The following KLF12 variants were observed in gnomAD, a reference collection of about 807,000 sequenced individuals.
KLF12 encodes KLF transcription factor 12, also known as Krueppel-like factor 12.
A neutral mutation model predicts 37.8 loss-of-function variants in KLF12; 9 were observed. The ratio of observed to expected loss-of-function variants is 0.24; its 90% CI spans 0.14 to 0.42. The LOEUF is 0.42. KLF12 is among the 10% of genes least tolerant of loss of function. The pLI is 1.00. For synonymous variants in KLF12, 208 were observed against 202.1 expected (o/e 1.03, Z -0.25); for missense variants, 411 against 516.0 (o/e 0.80, Z 1.97).
rs3079803 is a variant in KLF12 at position 73,867,414 on chromosome 13, GTATA to G, written c.124-21045_124-21042del. ...CATACATACATATATACGTGTGTGTGTATATATATATATATACACACATACATAT... is the reference window on the plus strand; with the variant it reads ...CATACATACATATATACGTGTGTGTGTATATATATATACACACATACATAT... On this transcript the variant is annotated intron_variant, in intron 3 of 7. Transcript: ENST00000377669. Among the ~76,000 whole-genome samples the G allele has an allele frequency of 2.0e-5, 3 of 148,282 alleles. No homozygotes were observed. The South Asian group carries it at 6.4e-4, about 32-fold the overall frequency.
intron 5 of KLF12, among the ~76,000 whole-genome samples, chr13:73,792,262 G>A (rs1474881234): frequency 6.6e-6 from 1 of 152,092 alleles, no homozygotes; most frequent in Non-Finnish European, 1.5e-5. Context: ...ATTGTGCACA[G>A]AATCTCAAAG....
At chr13:73,750,793 T>A (rs1253644941) in intron 6 of KLF12, among the ~76,000 whole-genome samples, 1 of 152,200 alleles carries the variant, frequency 6.6e-6, no homozygotes, top group African/African-American at 2.4e-5. Flanking sequence ...AGAACATTTT[T>A]AAACTGAGTT....
At chr13:74,027,002 G>A (rs1892991924) in intron 1 of KLF12, among the ~76,000 whole-genome samples, 1 of 152,140 alleles carries the variant, frequency 6.6e-6, no homozygotes, top group Non-Finnish European at 1.5e-5. Context: ...AATTCACACG[G>A]TGGGGAAGCT....
At chr13:74,076,710 C>T (rs997740772) in intron 1 of KLF12, among the ~76,000 whole-genome samples, 13 of 152,028 alleles carry the variant, frequency 8.6e-5, no homozygotes, top group South Asian at 2.1e-4. Context: ...ACTCATGTCA[C>T]GGGGGTTTGT....
rs954354740 is a variant in KLF12 at position 73,690,999 on chromosome 13, A to G, written c.*4491T>C. 1.3e-5 allele frequency: 2 copies of G among 152,648 alleles called. No individual in the cohort carries two copies. The highest frequency in any genetic ancestry group is 2.4e-5 in the African/African-American group (1 of 41,456). The allele number at this position is 152,648 out of a possible 1,614,324, so 9.5% of individuals were successfully genotyped here. Reference sequence around the variant, plus strand: ...ACAGACATTATAATGAAACTGTGAAAATATAGCAATTTTTATGTACATTTC... The same window carrying G: ...ACAGACATTATAATGAAACTGTGAAGATATAGCAATTTTTATGTACATTTC... On this transcript the variant is annotated 3_prime_UTR_variant, in exon 8 of 8. Coordinates refer to ENST00000377669, the MANE Select transcript of KLF12 (RefSeq NM_007249.5).
intron 3 of KLF12, among the ~76,000 whole-genome samples, chr13:73,926,770 C>T (rs372421742): frequency 6.6e-6 from 1 of 151,898 alleles, no homozygotes. Context: ...AGTTTCTCTG[C>T]GTGAATTACT....
At chr13:74,119,569 T>A (rs1255712118) in intron 1 of KLF12, among the ~76,000 whole-genome samples, 1 of 152,000 alleles carries the variant, frequency 6.6e-6, no homozygotes, top group Non-Finnish European at 1.5e-5. Flanking sequence ...CTATGAAAAA[T>A]TAAGAATTCT....
chr13:73,973,927 C>G (rs1489324049), intron 2 of KLF12, among the ~76,000 whole-genome samples: 1 of 151,772 alleles, frequency 6.6e-6, no homozygotes, highest in East Asian at 1.9e-4. Flanking sequence ...TAAAACATAC[C>G]GGAGACCAAA....
chr13:73,996,535 C>T (rs983572878), intron 1 of KLF12, among the ~76,000 whole-genome samples: 4 of 152,162 alleles, frequency 2.6e-5, no homozygotes, highest in African/African-American at 9.7e-5. Context: ...TAGGCATGTT[C>T]TCATATAAAC....
intron 6 of KLF12, among the ~76,000 whole-genome samples, chr13:73,721,063 T>C (rs2137725856): frequency 6.6e-6 from 1 of 152,336 alleles, no homozygotes; most frequent in South Asian, 2.1e-4. Context: ...ATTTACAGAA[T>C]GCTTAGTGGG....
intron 1 of KLF12, among the ~76,000 whole-genome samples, chr13:74,062,575 C>T (rs912682414): frequency 6.6e-6 from 1 of 152,166 alleles, no homozygotes; most frequent in East Asian, 1.9e-4. Context: ...TTCTTAAGGG[C>T]TTAAAAATGC....
chr13:73,941,639 A>T (rs1184627472), intron 3 of KLF12, among the ~76,000 whole-genome samples: 1 of 152,194 alleles, frequency 6.6e-6, no homozygotes, highest in African/African-American at 2.4e-5. Context: ...CAAAGTGGCC[A>T]AAAATGAAAG....
chr13:74,017,258 T>TAAAAAAA (rs56321692), intron 1 of KLF12, among the ~76,000 whole-genome samples: 2 of 45,608 alleles, frequency 4.4e-5, no homozygotes, highest in African/African-American at 8.8e-5. Context: ...GCCCTCAACC[T>TAAAAAAA]AAAAAAAAAA....
chr13:73,743,569 A>G (rs1878154977), intron 6 of KLF12, among the ~76,000 whole-genome samples: 1 of 152,196 alleles, frequency 6.6e-6, no homozygotes, highest in Non-Finnish European at 1.5e-5. Flanking sequence ...AGTACTAGAA[A>G]AAAACGTTCT....
chr13:74,027,597 T>C (rs911133976), intron 1 of KLF12, among the ~76,000 whole-genome samples: 6 of 152,194 alleles, frequency 3.9e-5, no homozygotes, highest in African/African-American at 1.4e-4. Context: ...AGGCTATTTA[T>C]AAATACCCTT....
At chr13:73,710,581 T>C (rs1875312904) in intron 7 of KLF12, among the ~76,000 whole-genome samples, 1 of 152,222 alleles carries the variant, frequency 6.6e-6, no homozygotes, top group Admixed American at 6.5e-5. Flanking sequence ...TGATCTGTGA[T>C]CAGTGACCTT....
the KLF12 span, among the ~76,000 whole-genome samples, chr13:74,235,861 G>A: frequency 6.6e-6 from 1 of 151,482 alleles, no homozygotes; most frequent in African/African-American, 2.4e-5. Context: ...AGTGGAATTT[G>A]GATATACACA....
At chr13:74,206,605 C>T in the KLF12 span, among the ~76,000 whole-genome samples, 23 of 152,216 alleles carry the variant, frequency 1.5e-4, no homozygotes, top group African/African-American at 5.1e-4. Flanking sequence ...CAGGGATTTG[C>T]GCTGCATTGC....
intron 3 of KLF12, among the ~76,000 whole-genome samples, chr13:73,934,554 T>G: frequency 6.6e-6 from 1 of 152,114 alleles, no homozygotes; most frequent in East Asian, 1.9e-4. Flanking sequence ...GCCTGCAATT[T>G]CTTTCTTCTT....
Sources: allele counts gnomAD v4.1 joint callset (sites outside exome capture counted in the v4.1 genomes callset), GRCh38; gene constraint gnomAD v4.1.1; transcripts MANE v1.5; gene names NCBI Gene and HGNC (gene_info 2026-07-23, HGNC 2026-07-21).